SLCO1A2: variants seen among roughly 807,000 people sequenced by gnomAD.
The protein encoded by SLCO1A2 is solute carrier organic anion transporter family member 1A2.
SLCO1A2 carries 67 observed loss-of-function variants against 69.0 expected under a neutral mutation model. The observed-to-expected ratio is 0.97, with a 90% CI of 0.80 to 1.19. SLCO1A2 has a LOEUF of 1.19. Among genes scored for constraint, SLCO1A2 ranks in the 50% most tolerant of loss-of-function variants. SLCO1A2 has a pLI of 0.00. For synonymous variants in SLCO1A2, 260 were observed against 265.9 expected (o/e 0.98, Z 0.22); for missense variants, 787 against 793.7 (o/e 0.99, Z 0.10).
At chr12:21,306,806 C>A in intron 5 of SLCO1A2, 76 bp downstream of exon 5, 2 of 876,712 alleles carry the variant, frequency 2.3e-6, no homozygotes, top group African/African-American at 1.7e-5. Flanking sequence ...CAATCAATAT[C>A]TCATTCAAGC....
chr12:21,283,599 G>A (rs11831262), intron 12 of SLCO1A2, among the ~76,000 whole-genome samples: 2,849 of 152,114 alleles, frequency 0.019, 93 homozygotes, highest in African/African-American at 0.064. Flanking sequence ...AGAAGCTTCT[G>A]CACAGCAAAG....
Position 21,306,917 on chromosome 12 carries a change from C to T in SLCO1A2, c.407G>A (p.Gly136Glu). The T allele has an allele frequency of 6.2e-7, 1 of 1,613,826 alleles. No homozygotes were observed. Among genetic ancestry groups the T allele is most frequent in the Non-Finnish European group, 8.5e-7 (1 of 1,179,840 alleles). ...SSNSFLCMEN[G>E]TQILRPTQDP... ...CTGCGTTGGTCTTAAAATCTGGGTT[C>T]CATTTTCCATACACAAGAAACTGTT... Residue 136 changes from glycine (G) to glutamate (E), a missense_variant, in exon 5 of 15, where the codon GGA (glycine) becomes GAA (glutamate). Gly to Glu is a moderately conservative substitution (Grantham distance 98, BLOSUM62 -2). Transcript: ENST00000683939.
At position 21,295,805 on chromosome 12, in the gene SLCO1A2, A is replaced by G; in HGVS notation, c.1076-13T>C. The G allele has an allele frequency of 7.4e-7, 1 of 1,344,706 alleles. No homozygotes were observed. The highest frequency in any genetic ancestry group is 2.4e-5 in the East Asian group (1 of 42,280). The allele number at this position is 1,344,706 out of a possible 1,614,324, so 83.3% of individuals were successfully genotyped here. A position where few individuals can be genotyped will look rare whatever the true frequency, so the allele number is the denominator to read the frequency against. The stretch of plus-strand genomic sequence containing the variant: ...AAGTTATAAATACCTATAAATGCAA[A>G]TAAAATATTATTTACAAAATGACTT... On this transcript the variant is annotated splice_polypyrimidine_tract_variant and intron_variant, in intron 9 of 14. Coordinates refer to ENST00000683939, the MANE Select transcript of SLCO1A2 (RefSeq NM_001386879.1).
At chr12:21,327,959 T>C (rs775340255) in intron 2 of SLCO1A2, among the ~76,000 whole-genome samples, 6 of 152,134 alleles carry the variant, frequency 3.9e-5, no homozygotes, top group Non-Finnish European at 7.4e-5. Flanking sequence ...GCTCCCATAA[T>C]CCCCATGTGT....
rs1941912901 is a variant in SLCO1A2 at position 21,264,884 on chromosome 12, A to C, written c.*4664T>G. On this transcript the variant is annotated 3_prime_UTR_variant, in exon 15 of 15. Transcript: ENST00000683939. ...GTGAAGTTGTGGCGTCTAGAGGGGA[A>C]GGGGCAGAAGTGTGCAGAGGTGTGG... 1 of 152,520 alleles carries C rather than the reference A, an allele frequency of 6.6e-6. No homozygotes were observed. Among genetic ancestry groups the C allele is most frequent in the African/African-American group, 2.4e-5 (1 of 41,570 alleles). 9.4% of individuals were successfully genotyped at this position (152,520 alleles called of 1,614,324 possible). A position where few individuals can be genotyped will look rare whatever the true frequency, so the allele number is the denominator to read the frequency against.
At chr12:21,293,891 A>C in intron 11 of SLCO1A2, 54 bp downstream of exon 11, 2 of 1,454,346 alleles carry the variant, frequency 1.4e-6, no homozygotes, top group Non-Finnish European at 1.9e-6. Context: ...CCCAGTTCAT[A>C]GTTGGGAAGT....
At chr12:21,378,671 A>G (rs1236239442) in intron 1 of SLCO1A2, 2 of 432,890 alleles carry the variant, frequency 4.6e-6, no homozygotes, top group African/African-American at 3.9e-5. Context: ...TAAGAACGTC[A>G]TTTTGGGACC....
intron 4 of SLCO1A2, among the ~76,000 whole-genome samples, chr12:21,310,658 A>T (rs1192610584): frequency 2.6e-5 from 4 of 152,088 alleles, no homozygotes; most frequent in Non-Finnish European, 5.9e-5. Context: ...CTGGAGTGCA[A>T]GTGGCACGAT....
At chr12:21,347,358 T>C (rs1953286936) in intron 2 of SLCO1A2, among the ~76,000 whole-genome samples, 1 of 152,098 alleles carries the variant, frequency 6.6e-6, no homozygotes, top group Non-Finnish European at 1.5e-5. Flanking sequence ...AAATTAAGAA[T>C]CTGGGGGCCA....
At chr12:21,406,488 C>A (rs1941826119) in intron 1 of SLCO1A2, among the ~76,000 whole-genome samples, 1 of 152,186 alleles carries the variant, frequency 6.6e-6, no homozygotes, top group South Asian at 2.1e-4. Context: ...TCTTTCATTT[C>A]TCTTGAGAAG....
chr12:21,275,439 A>C lies in SLCO1A2; in HGVS notation c.1611-15T>G. On this transcript the variant is annotated splice_polypyrimidine_tract_variant and intron_variant, in intron 12 of 14. Transcript: ENST00000683939. Reference sequence around the variant, plus strand: ...ATTTCATACACCTGAAAAGTAAATAAGTTTGTAAATAAAAGAAAAATAAAG... The same window carrying C: ...ATTTCATACACCTGAAAAGTAAATACGTTTGTAAATAAAAGAAAAATAAAG... 1.4e-6 allele frequency: 2 copies of C among 1,438,148 alleles called. No homozygotes were observed. Among genetic ancestry groups the C allele is most frequent in the Non-Finnish European group, 1.9e-6 (2 of 1,077,636 alleles). 89.1% of individuals were successfully genotyped at this position (1,438,148 alleles called of 1,614,324 possible).
intron 2 of SLCO1A2, among the ~76,000 whole-genome samples, chr12:21,359,396 T>C (rs1035502253): frequency 2.0e-5 from 3 of 151,854 alleles, no homozygotes; most frequent in Non-Finnish European, 2.9e-5. Context: ...GTGTAAAACA[T>C]TAGTGAAAAA....
intron 6 of SLCO1A2, 85 bp downstream of exon 6, chr12:21,304,342 A>C: frequency 8.8e-7 from 1 of 1,132,564 alleles, no homozygotes; most frequent in Admixed American, 2.2e-5. Flanking sequence ...TGTGGAAATC[A>C]CTAAGACTAC....
In SLCO1A2 at chr12:21,266,493, T is replaced by G. The variant is rs903343447; in HGVS notation, c.*3055A>C. Reference sequence around the variant, plus strand: ...GAAAAGTTAATGATTTTAGGAGGAGTAGTATTTTTTCAATGTAGATAAATA... The same window carrying G: ...GAAAAGTTAATGATTTTAGGAGGAGGAGTATTTTTTCAATGTAGATAAATA... On this transcript the variant is annotated 3_prime_UTR_variant, in exon 15 of 15. Transcript: ENST00000683939. 2.0e-5 allele frequency: 3 copies of G among 151,972 alleles called. No individual in the cohort carries two copies. The highest frequency in any genetic ancestry group is 1.3e-4 in the Admixed American group (2 of 15,232). The allele number at this position is 151,972 out of a possible 1,614,324, so 9.4% of individuals were successfully genotyped here.
At chr12:21,308,574 C>T (rs1949717565) in intron 4 of SLCO1A2, among the ~76,000 whole-genome samples, 1 of 152,162 alleles carries the variant, frequency 6.6e-6, no homozygotes, top group African/African-American at 2.4e-5. Context: ...GAGAGGCACA[C>T]TGAGCATAGA....
intron 1 of SLCO1A2, among the ~76,000 whole-genome samples, chr12:21,412,306 G>A (rs1218026578): frequency 3.9e-5 from 6 of 151,904 alleles, no homozygotes; most frequent in African/African-American, 1.5e-4. Context: ...GCTTGAACCT[G>A]GGAGGCAGAG....
At chr12:21,278,273 G>A (rs1208065098) in intron 12 of SLCO1A2, among the ~76,000 whole-genome samples, 2 of 152,128 alleles carry the variant, frequency 1.3e-5, no homozygotes, top group African/African-American at 4.8e-5. Context: ...ACCCATCCCA[G>A]GCTCCTGGAT....
intron 1 of SLCO1A2, among the ~76,000 whole-genome samples, chr12:21,387,138 T>G (rs959980368): frequency 9.9e-5 from 15 of 152,168 alleles, no homozygotes; most frequent in African/African-American, 3.6e-4. Context: ...GGAAAAAATT[T>G]CTAAGCAGCA....
At chr12:21,392,345 T>C (rs1941201609) in intron 1 of SLCO1A2, among the ~76,000 whole-genome samples, 1 of 152,222 alleles carries the variant, frequency 6.6e-6, no homozygotes, top group Admixed American at 6.5e-5. Context: ...TTTTCAAATG[T>C]AGCCCTCTCT....
Sources: allele counts gnomAD v4.1 joint callset (sites outside exome capture counted in the v4.1 genomes callset), GRCh38; gene constraint gnomAD v4.1.1; transcripts MANE v1.5; gene names NCBI Gene and HGNC (gene_info 2026-07-23, HGNC 2026-07-21).